C1orf94: variants seen among roughly 807,000 people sequenced by gnomAD.
C1orf94 encodes the protein chromosome 1 open reading frame 94.
In C1orf94, 45 loss-of-function variants were observed where a neutral mutation model predicts 53.6. That is an observed-to-expected ratio of 0.84 (90% CI 0.66 to 1.08). The LOEUF (loss-of-function observed/expected upper bound fraction) is 1.08, where lower values mean the gene tolerates loss of function less well. Ranked by LOEUF, C1orf94 falls within the 50% of genes least tolerant of loss-of-function variation. C1orf94 has a pLI of 0.00. For synonymous variants in C1orf94, 304 were observed against 296.1 expected (o/e 1.03, Z -0.27); for missense variants, 762 against 738.9 (o/e 1.03, Z -0.36).
intron 1 of C1orf94, among the ~76,000 whole-genome samples, chr1:34,169,634 AGTG>A (rs1642112357): frequency 3.5e-5 from 2 of 56,486 alleles, no homozygotes; most frequent in Non-Finnish European, 8.2e-5. Context: ...AGAGAGAGAG[AGTG>A]AGCAAATGGG....
intron 1 of C1orf94, among the ~76,000 whole-genome samples, chr1:34,189,560 G>A (rs781295655): frequency 9.9e-5 from 15 of 152,214 alleles, no homozygotes; most frequent in Non-Finnish European, 1.8e-4. Context: ...AGAGAACATG[G>A]GTCTCTGATC....
chr1:34,216,708 C>G (rs1642993952), intron 6 of C1orf94, among the ~76,000 whole-genome samples: 1 of 152,166 alleles, frequency 6.6e-6, no homozygotes, highest in African/African-American at 2.4e-5. Context: ...AATTTGCACA[C>G]ATTCATCATG....
intron 1 of C1orf94, among the ~76,000 whole-genome samples, chr1:34,192,266 G>A (rs1009144787): frequency 2.6e-5 from 4 of 152,156 alleles, no homozygotes; most frequent in Non-Finnish European, 5.9e-5. Flanking sequence ...GAGCCCCAAG[G>A]TGATTACTCA....
chr1:34,200,089 A>G (rs941695762), intron 2 of C1orf94, among the ~76,000 whole-genome samples: 19 of 152,312 alleles, frequency 1.2e-4, no homozygotes, highest in Middle Eastern at 3.4e-3. Flanking sequence ...GCTCTGACTC[A>G]CAACTGTGTC....
intron 6 of C1orf94, among the ~76,000 whole-genome samples, chr1:34,213,321 G>A (rs1479592318): frequency 6.6e-6 from 1 of 152,158 alleles, no homozygotes; most frequent in African/African-American, 2.4e-5. Flanking sequence ...CTTTCAATCA[G>A]TATTTTCTCC....
At chr1:34,212,697 C>T (rs558654860) in intron 6 of C1orf94, among the ~76,000 whole-genome samples, 2 of 152,314 alleles carry the variant, frequency 1.3e-5, no homozygotes, top group South Asian at 4.1e-4. Context: ...TAGGCAGGGG[C>T]AGTTGGTGCA....
At chr1:34,169,948 G>T (rs1642120594) in intron 1 of C1orf94, among the ~76,000 whole-genome samples, 1 of 152,198 alleles carries the variant, frequency 6.6e-6, no homozygotes, top group Admixed American at 6.5e-5. Context: ...AGTGAGAAGG[G>T]GCCCACAGCC....
chr1:34,194,635 T>C lies in C1orf94; in HGVS notation c.321-2590T>C, dbSNP rs1345831559. On this transcript the variant is annotated intron_variant, in intron 1 of 6. Coordinates refer to ENST00000488417, the MANE Select transcript of C1orf94 (RefSeq NM_001134734.2). ...TTAACATATGGCCAATCTTGTTTCA[T>C]CTATTACTCCCTCTCTCTTCTTTTC... Among the ~76,000 whole-genome samples, 3 of 152,228 alleles carry C rather than the reference T, an allele frequency of 2.0e-5. No homozygotes were observed. In the East Asian group the frequency reaches 5.8e-4, roughly 29 times the overall value.
Position 34,208,204 on chromosome 1 carries a change from G to A in C1orf94, c.1494G>A (p.Leu498=), listed in dbSNP as rs1642831153. The A allele has an allele frequency of 6.2e-7, 1 of 1,613,972 alleles. No homozygotes were observed. The highest frequency in any genetic ancestry group is 1.3e-5 in the African/African-American group (1 of 74,930). ...CGAGGATGCCCTATCAGCAGGCTTT[G>A]CACCCGCAGCTGGGATGTTACTCCC... The part of the protein sequence containing the change: ...QAARMPYQQA[L]HPQLGCYSQQ... Residue 498 remains leucine (L), a synonymous_variant, in exon 5 of 7, where the codon TTG becomes TTA. Coordinates refer to ENST00000488417, the MANE Select transcript of C1orf94 (RefSeq NM_001134734.2).
At chr1:34,190,016 A>G (rs1266430468) in intron 1 of C1orf94, among the ~76,000 whole-genome samples, 2 of 152,088 alleles carry the variant, frequency 1.3e-5, no homozygotes, top group Non-Finnish European at 2.9e-5. Context: ...TGGAAGTCAC[A>G]TGGGCCTGGG....
chr1:34,198,537 G>A (rs1252744035), intron 2 of C1orf94, among the ~76,000 whole-genome samples: 1 of 152,232 alleles, frequency 6.6e-6, no homozygotes, highest in Non-Finnish European at 1.5e-5. Flanking sequence ...GATTCTGTGT[G>A]TTGTTCTGAT....
intron 2 of C1orf94, 112 bp downstream of exon 2, chr1:34,198,025 A>G (rs1642631960): frequency 2.6e-6 from 3 of 1,148,876 alleles, no homozygotes; most frequent in Admixed American, 5.6e-5. Flanking sequence ...AAGCAAGACA[A>G]AGCAGCCTCT....
In C1orf94 at chr1:34,177,136, T is replaced by G. The variant is rs1016129982; in HGVS notation, c.-654T>G. On this transcript the variant is annotated 5_prime_UTR_variant, in exon 1 of 7. Coordinates refer to ENST00000488417, the MANE Select transcript of C1orf94 (RefSeq NM_001134734.2). ...CCGGGGACTAAGGGCTGTGGGCCCA[T>G]CCACACACGCCTCATCCCTTCTTTC... Among the ~76,000 whole-genome samples, 28 of 152,242 alleles carry G rather than the reference T, an allele frequency of 1.8e-4. No individual in the cohort carries two copies. The highest frequency in any genetic ancestry group is 6.0e-4 in the African/African-American group (25 of 41,532).
intron 1 of C1orf94, among the ~76,000 whole-genome samples, chr1:34,191,935 G>C (rs114852749): frequency 6.6e-6 from 1 of 152,054 alleles, no homozygotes; most frequent in East Asian, 1.9e-4. Flanking sequence ...CGAGTATGGC[G>C]CTACTATTGG....
Position 34,197,093 on chromosome 1 carries a change from G to A in C1orf94, c.321-132G>A, listed in dbSNP as rs1642599375. 5 of 809,964 alleles carry A rather than the reference G, an allele frequency of 6.2e-6. No homozygotes were observed. Among genetic ancestry groups the A allele is most frequent in the East Asian group, 2.7e-5 (1 of 37,118 alleles). 50.2% of individuals were successfully genotyped at this position (809,964 alleles called of 1,614,324 possible). Reference sequence around the variant, plus strand: ...TCTGGGGGTCCAGTGTGTCTGCTGGGTTATCTTGCCTGGAAGTGTGTTTTT... The same window carrying A: ...TCTGGGGGTCCAGTGTGTCTGCTGGATTATCTTGCCTGGAAGTGTGTTTTT... On this transcript the variant is annotated intron_variant, in intron 1 of 6. Transcript: ENST00000488417. The surrounding 1 kb of genome is among the most constrained non-coding windows in gnomAD (Gnocchi z 4.1).
intron 5 of C1orf94, among the ~76,000 whole-genome samples, chr1:34,210,802 G>C (rs1642876736): frequency 6.6e-6 from 1 of 152,050 alleles, no homozygotes; most frequent in Non-Finnish European, 1.5e-5. Context: ...CTACAGGCAT[G>C]TACCACCACG....
intron 5 of C1orf94, among the ~76,000 whole-genome samples, chr1:34,209,935 G>T (rs1642863844): frequency 6.6e-6 from 1 of 152,078 alleles, no homozygotes; most frequent in South Asian, 2.1e-4. Flanking sequence ...AAACTTGGAG[G>T]CAATCACTGT....
intron 5 of C1orf94, among the ~76,000 whole-genome samples, chr1:34,210,381 G>A (rs1188288030): frequency 6.6e-6 from 1 of 152,214 alleles, no homozygotes; most frequent in Non-Finnish European, 1.5e-5. Flanking sequence ...GGGAAGACCG[G>A]GAGGGAGGAC....
At chr1:34,215,209 G>A (rs1642964750) in intron 6 of C1orf94, among the ~76,000 whole-genome samples, 1 of 152,112 alleles carries the variant, frequency 6.6e-6, no homozygotes, top group East Asian at 1.9e-4. Flanking sequence ...TCGGGGATGA[G>A]CCTCTGGGCA....
Sources: allele counts gnomAD v4.1 joint callset (sites outside exome capture counted in the v4.1 genomes callset), GRCh38; gene constraint gnomAD v4.1.1; non-coding constraint Gnocchi (gnomAD v3.1); transcripts MANE v1.5; gene names NCBI Gene and HGNC (gene_info 2026-07-23, HGNC 2026-07-21).